The following RCAN1 variants were observed in gnomAD, a reference collection of about 807,000 sequenced individuals.
RCAN1 encodes the protein calcipressin-1.
In RCAN1, 11 loss-of-function variants were observed where a neutral mutation model predicts 22.9. The ratio of observed to expected loss-of-function variants is 0.48; its 90% CI spans 0.30 to 0.79. The LOEUF (loss-of-function observed/expected upper bound fraction) is 0.79. RCAN1 is among the 30% of genes least tolerant of loss of function. The probability of loss-of-function intolerance (pLI) is 0.06; values close to 1 mark genes in which losing one functional copy is unlikely to be tolerated. For synonymous variants in RCAN1, 136 were observed against 142.3 expected (o/e 0.96, Z 0.32); for missense variants, 291 against 337.8 (o/e 0.86, Z 1.09).
At chr21:34,601,202 G>A (rs939263630) in intron 1 of RCAN1, among the ~76,000 whole-genome samples, 4 of 152,242 alleles carry the variant, frequency 2.6e-5, no homozygotes, top group Non-Finnish European at 4.4e-5. Context: ...TGCAAGCAAT[G>A]TAGACACTGT....
At position 34,521,515 on chromosome 21, in the gene RCAN1, G is replaced by C; in HGVS notation, c.570C>G (p.Ile190Met). The change falls in exon 3 of 4, where the codon ATC (isoleucine) becomes ATG (methionine). Residue 190 changes from isoleucine (I) to methionine (M), a missense_variant. Transcript: ENST00000313806. ...CCTGCTCACCTGGCCCCAGCTTGGA[G>C]ATGGCATATAAGAGATCATAGTTTA... is the stretch of plus-strand genomic sequence containing the variant. ...PVINYDLLYA[I>M]SKLGPGEKYE... is the part of the protein sequence containing the mutation. 1 of 1,614,212 alleles carries C rather than the reference G, an allele frequency of 6.2e-7. No individual in the cohort carries two copies. Among genetic ancestry groups the C allele is most frequent in the African/African-American group, 1.3e-5 (1 of 75,064 alleles).
rs550170371 is a variant in RCAN1 at position 34,534,736 on chromosome 21, T to G, written c.253-11026A>C. ...GTGGTCACAGGAGGTGGTGTAGGGT[T>G]GTGATGACATTTCTCACAGGCCTCA... On this transcript the variant is annotated intron_variant, in intron 1 of 3. Coordinates refer to ENST00000313806, the MANE Select transcript of RCAN1 (RefSeq NM_004414.7). Among the ~76,000 whole-genome samples, 10 of 152,292 alleles carry G rather than the reference T, an allele frequency of 6.6e-5. No individual in the cohort carries two copies. The East Asian group carries it at 1.7e-3, about 26-fold the overall frequency.
intron 1 of RCAN1, among the ~76,000 whole-genome samples, chr21:34,553,886 G>C (rs1447091249): frequency 6.6e-6 from 1 of 152,210 alleles, no homozygotes; most frequent in East Asian, 1.9e-4. Flanking sequence ...AAGGGGATAA[G>C]AAGCAGCAAC....
intron 1 of RCAN1, among the ~76,000 whole-genome samples, chr21:34,548,471 A>G (rs1986230323): frequency 6.6e-6 from 1 of 152,236 alleles, no homozygotes. Flanking sequence ...GAAAGCTGGA[A>G]AGTAGAGTTT....
At chr21:34,584,652 CA>C (rs1413818037) in intron 1 of RCAN1, among the ~76,000 whole-genome samples, 1 of 152,114 alleles carries the variant, frequency 6.6e-6, no homozygotes, top group African/African-American at 2.4e-5. Flanking sequence ...TAGGGACAGC[CA>C]GGGGGAAAAC....
intron 1 of RCAN1, among the ~76,000 whole-genome samples, chr21:34,563,794 T>TATATATAGAG (rs765741781): frequency 6.2e-4 from 30 of 48,694 alleles, no homozygotes; most frequent in African/African-American, 2.2e-3. Context: ...TATATATATA[T>TATATATAGAG]AGAGAGAGAG....
At chr21:34,553,814 A>G (rs1281812951) in intron 1 of RCAN1, among the ~76,000 whole-genome samples, 2 of 152,188 alleles carry the variant, frequency 1.3e-5, no homozygotes, top group Non-Finnish European at 2.9e-5. Flanking sequence ...ATAACCTATA[A>G]AGCGAAATCT....
intron 1 of RCAN1, among the ~76,000 whole-genome samples, chr21:34,583,209 A>C (rs1987682196): frequency 8.0e-6 from 1 of 125,236 alleles, no homozygotes. Context: ...AGACAGTTTC[A>C]CTCTTGTCGC....
At chr21:34,535,038 T>C (rs1985605340) in intron 1 of RCAN1, among the ~76,000 whole-genome samples, 1 of 152,242 alleles carries the variant, frequency 6.6e-6, no homozygotes, top group African/African-American at 2.4e-5. Context: ...CTTTAGGGCA[T>C]GTTTCATAAA....
intron 1 of RCAN1, among the ~76,000 whole-genome samples, chr21:34,590,579 T>C (rs2123710336): frequency 6.6e-6 from 1 of 152,356 alleles, no homozygotes; most frequent in South Asian, 2.1e-4. Flanking sequence ...TCCTGACATA[T>C]ATTTTTTCAT....
chr21:34,525,431 C>CT, intron 1 of RCAN1: 1 of 1,408,522 alleles, frequency 7.1e-7, no homozygotes. Context: ...GCCTCTCACT[C>CT]TTTTTCCCCA....
intron 1 of RCAN1, among the ~76,000 whole-genome samples, chr21:34,533,633 T>A (rs988535025): frequency 6.6e-6 from 1 of 152,178 alleles, no homozygotes; most frequent in Non-Finnish European, 1.5e-5. Flanking sequence ...CTCTTGGAGC[T>A]TACATTCCAG....
chr21:34,575,460 C>T (rs544401276), intron 1 of RCAN1, among the ~76,000 whole-genome samples: 23 of 152,232 alleles, frequency 1.5e-4, no homozygotes, highest in Admixed American at 2.0e-4. Context: ...ACCTACAGCC[C>T]GGAGAATTGA....
intron 1 of RCAN1, among the ~76,000 whole-genome samples, chr21:34,551,957 C>T (rs962032538): frequency 6.6e-6 from 1 of 152,164 alleles, no homozygotes; most frequent in Non-Finnish European, 1.5e-5. Flanking sequence ...GAATTTGGGA[C>T]AGATGGCTGT....
intron 1 of RCAN1, among the ~76,000 whole-genome samples, chr21:34,551,045 GACA>G (rs1331554444): frequency 1.3e-5 from 2 of 152,194 alleles, no homozygotes; most frequent in Non-Finnish European, 2.9e-5. Flanking sequence ...GGAATTCTAT[GACA>G]ACGATTAAAC....
At chr21:34,586,416 C>T (rs895539259) in intron 1 of RCAN1, among the ~76,000 whole-genome samples, 2 of 150,592 alleles carry the variant, frequency 1.3e-5, no homozygotes, top group African/African-American at 4.9e-5. Context: ...TGTTTATGAA[C>T]AAAGTGATAC....
chr21:34,521,000 C>T (rs1195378514), intron 3 of RCAN1: 7 of 992,476 alleles, frequency 7.1e-6, no homozygotes, highest in African/African-American at 5.1e-5. Context: ...TAGGGCAGCC[C>T]GACCGCGGCC....
chr21:34,573,866 T>C (rs1037060899), intron 1 of RCAN1, among the ~76,000 whole-genome samples: 20 of 152,228 alleles, frequency 1.3e-4, no homozygotes, highest in African/African-American at 4.3e-4. Context: ...TGTTACAATA[T>C]ACATTGCTTT....
intron 1 of RCAN1, among the ~76,000 whole-genome samples, chr21:34,546,388 T>A (rs979706546): frequency 4.0e-5 from 6 of 151,758 alleles, no homozygotes; most frequent in African/African-American, 1.5e-4. Flanking sequence ...TTTTTTTTTT[T>A]AGAAATGTAA....
Sources: gnomAD v4.1 joint callset for allele counts (sites outside exome capture counted in the v4.1 genomes callset) on GRCh38, gnomAD v4.1.1 for gene constraint, MANE v1.5 for transcripts, NCBI Gene and HGNC (gene_info 2026-07-23, HGNC 2026-07-21) for gene names.